The following PCYT1A variants were observed in gnomAD, a reference collection of about 807,000 sequenced individuals.
The protein encoded by PCYT1A is choline-phosphate cytidylyltransferase A.
Under a neutral mutation model 43.7 loss-of-function variants are expected in PCYT1A, and 25 were observed. That is an observed-to-expected ratio of 0.57 (90% CI 0.42 to 0.80). PCYT1A has a LOEUF of 0.80. PCYT1A is among the 30% of genes least tolerant of loss of function. The probability of loss-of-function intolerance (pLI) is 0.00; values close to 1 mark genes in which losing one functional copy is unlikely to be tolerated. For synonymous variants in PCYT1A, 172 were observed against 170.7 expected, an observed-to-expected ratio of 1.01 and a Z score of -0.06; for missense variants, 421 against 474.2, an observed-to-expected ratio of 0.89 and a Z score of 1.04.
chr3:196,238,505 G>C lies in PCYT1A; in HGVS notation c.*183C>G. ...GGTGCAGTCCCCCTCCTTCGTGTGG[G>C]TGAGTGATGTCACTTGCAGGACAGG... On this transcript the variant is annotated 3_prime_UTR_variant, in exon 9 of 9. Transcript: ENST00000431016. 2.3e-6 allele frequency: 1 copy of C among 440,928 alleles called. No homozygotes were observed. The highest frequency in any genetic ancestry group is 4.1e-6 in the Non-Finnish European group (1 of 246,634). The allele number at this position is 440,928 out of a possible 1,614,324, so 27.3% of individuals were successfully genotyped here.
chr3:196,249,559 C>T (rs1181259491), intron 3 of PCYT1A, among the ~76,000 whole-genome samples: 1 of 152,062 alleles, frequency 6.6e-6, no homozygotes, highest in African/African-American at 2.4e-5. Context: ...AAATGATTTC[C>T]CGGGGAACAA....
chr3:196,270,110 C>A (rs958511406), intron 2 of PCYT1A, among the ~76,000 whole-genome samples: 2 of 152,144 alleles, frequency 1.3e-5, no homozygotes, highest in South Asian at 4.1e-4. Flanking sequence ...GTGATCCTCC[C>A]ACCTCAGCCT....
intron 2 of PCYT1A, among the ~76,000 whole-genome samples, chr3:196,262,786 C>CTTT (rs200006356): frequency 1.4e-5 from 2 of 138,340 alleles, no homozygotes; most frequent in African/African-American, 2.7e-5. Context: ...TCTAAGGATT[C>CTTT]TTTTTTTTTT....
chr3:196,239,473 C>T, intron 8 of PCYT1A, 74 bp downstream of exon 8: 1 of 968,852 alleles, frequency 1.0e-6, no homozygotes, highest in Non-Finnish European at 1.6e-6. Flanking sequence ...GTCGATGCCC[C>T]TTCCTGCTCA....
chr3:196,244,404 G>A (rs1405344485), intron 5 of PCYT1A, among the ~76,000 whole-genome samples: 1 of 145,938 alleles, frequency 6.9e-6, no homozygotes, highest in South Asian at 2.2e-4. Context: ...TGTGGGGAGC[G>A]CCACTGCCCC....
chr3:196,257,934 T>C, intron 2 of PCYT1A, 47 bp from the exon 3 acceptor site: 1 of 1,026,254 alleles, frequency 9.7e-7, no homozygotes, highest in African/African-American at 1.6e-5. Context: ...CTCAATGGCA[T>C]ACACTGTAAT....
Position 196,268,486 on chromosome 3 carries a change from C to A in PCYT1A, c.117+1929G>T, listed in dbSNP as rs967027387. Among the ~76,000 whole-genome samples, 7 of 152,086 alleles carry A rather than the reference C, an allele frequency of 4.6e-5. No individual in the cohort carries two copies. The highest frequency in any genetic ancestry group is 1.7e-4 in the African/African-American group (7 of 41,414). Reference sequence around the variant, plus strand: ...CCTGTGACTGTTTTACCATACATGGCAAAAGAGACTCTGCAGGCCAGGCAC... The same window carrying A: ...CCTGTGACTGTTTTACCATACATGGAAAAAGAGACTCTGCAGGCCAGGCAC... On this transcript the variant is annotated intron_variant, in intron 2 of 8. Coordinates refer to ENST00000431016, the MANE Select transcript of PCYT1A (RefSeq NM_001312673.2). The surrounding 1 kb of genome is among the most constrained non-coding windows in gnomAD (Gnocchi z 4.4).
intron 1 of PCYT1A, 161 bp downstream of exon 1, chr3:196,287,454 C>CA (rs1040031816): frequency 1.3e-5 from 2 of 152,322 alleles, no homozygotes; most frequent in African/African-American, 4.8e-5. Context: ...TCCTGGGTCA[C>CA]AGTCCCCTCG....
At position 196,235,656 on chromosome 3, in the gene PCYT1A, C is replaced by A. The variant is rs989410745; in HGVS notation, c.*3032G>T. On this transcript the variant is annotated 3_prime_UTR_variant, in exon 9 of 9. Coordinates refer to ENST00000431016, the MANE Select transcript of PCYT1A (RefSeq NM_001312673.2). The surrounding 1 kb of genome is among the most constrained non-coding windows in gnomAD (Gnocchi z 4.3). ...CCGGCTCTGGCCTTCTAATGTCTCA[C>A]ACACAGAGGCTCTGCTCTAAGGCCA... is the stretch of plus-strand genomic sequence containing the variant. The A allele has an allele frequency of 1.3e-5, 2 of 152,306 alleles. No homozygotes were observed. The highest frequency in any genetic ancestry group is 4.8e-5 in the African/African-American group (2 of 41,468). 9.4% of individuals were successfully genotyped at this position (152,306 alleles called of 1,614,324 possible).
chr3:196,270,614 C>A, intron 1 of PCYT1A, 73 bp from the exon 2 acceptor site: 1 of 936,692 alleles, frequency 1.1e-6, no homozygotes, highest in Admixed American at 1.7e-5. Flanking sequence ...ATTTCAGAGA[C>A]GTTGACGTGG....
At chr3:196,243,283 G>C (rs1193287055) in intron 5 of PCYT1A, 1 of 151,082 alleles carries the variant, frequency 6.6e-6, no homozygotes, top group Non-Finnish European at 1.5e-5. Flanking sequence ...AGCCAAAATC[G>C]CACCACTGCA....
At chr3:196,285,724 T>C (rs1348434063) in intron 1 of PCYT1A, among the ~76,000 whole-genome samples, 2 of 152,210 alleles carry the variant, frequency 1.3e-5, no homozygotes, top group Non-Finnish European at 1.5e-5. Flanking sequence ...ATCACCATTA[T>C]TGACACTGCG....
chr3:196,241,777 A>T, intron 7 of PCYT1A, 171 bp downstream of exon 7: 1 of 1,174,164 alleles, frequency 8.5e-7, no homozygotes, highest in Non-Finnish European at 1.2e-6. Context: ...GTAACGGCAG[A>T]AACTGTCTGT....
chr3:196,267,111 G>A lies in PCYT1A; in HGVS notation c.117+3304C>T, dbSNP rs189904027. ...GGAGAATCACTTGAACCCAGGAGGC[G>A]GAGGTTGCAGTGAGCCGAGATTGCG... On this transcript the variant is annotated intron_variant, in intron 2 of 8. Coordinates refer to ENST00000431016, the MANE Select transcript of PCYT1A (RefSeq NM_001312673.2). Among the ~76,000 whole-genome samples the A allele has an allele frequency of 1.1e-4, 16 of 151,406 alleles. No homozygotes were observed. The East Asian group carries it at 2.5e-3, about 24-fold the overall frequency.
At chr3:196,278,926 A>T (rs1191196665) in intron 1 of PCYT1A, among the ~76,000 whole-genome samples, 1 of 148,106 alleles carries the variant, frequency 6.8e-6, no homozygotes, top group Non-Finnish European at 1.5e-5. Flanking sequence ...GGTTGCAGTG[A>T]GCCAAGATCG....
At chr3:196,256,204 C>T (rs1341037280) in intron 3 of PCYT1A, among the ~76,000 whole-genome samples, 6 of 152,156 alleles carry the variant, frequency 3.9e-5, no homozygotes, top group Admixed American at 2.0e-4. Context: ...TTAAAATTCC[C>T]GGCATTGGCC....
chr3:196,262,387 CATA>C (rs796746819), intron 2 of PCYT1A, among the ~76,000 whole-genome samples: 56 of 152,328 alleles, frequency 3.7e-4, no homozygotes, highest in African/African-American at 1.3e-3. Context: ...AAGTAATTAG[CATA>C]ATGTTTCACA....
chr3:196,242,336 G>A lies in PCYT1A; in HGVS notation c.565+226C>T, dbSNP rs1331321307. Reference sequence around the variant, plus strand: ...ATGAGAAAGGGTTTCCTGAAATTAAGAGAGATATCCAAAGTAGATGTTTAG... The same window carrying A: ...ATGAGAAAGGGTTTCCTGAAATTAAAAGAGATATCCAAAGTAGATGTTTAG... On this transcript the variant is annotated intron_variant, in intron 6 of 8. Coordinates refer to ENST00000431016, the MANE Select transcript of PCYT1A (RefSeq NM_001312673.2). The surrounding 1 kb of genome is among the most constrained non-coding windows in gnomAD (Gnocchi z 4.2). 2 of 667,146 alleles carry A rather than the reference G, an allele frequency of 3.0e-6. No individual in the cohort carries two copies. The highest frequency in any genetic ancestry group is 1.8e-5 in the African/African-American group (1 of 55,708). 41.3% of individuals were successfully genotyped at this position (667,146 alleles called of 1,614,324 possible). A position where few individuals can be genotyped will look rare whatever the true frequency, so the allele number is the denominator to read the frequency against.
chr3:196,278,980 CAA>C (rs148985648), intron 1 of PCYT1A, among the ~76,000 whole-genome samples: 9 of 51,644 alleles, frequency 1.7e-4, no homozygotes, highest in Non-Finnish European at 1.1e-4. Flanking sequence ...GACCTCATCT[CAA>C]AAAAAAAAAA....
Sources: allele counts gnomAD v4.1 joint callset (sites outside exome capture counted in the v4.1 genomes callset), GRCh38; gene constraint gnomAD v4.1.1; non-coding constraint Gnocchi (gnomAD v3.1); transcripts MANE v1.5; gene names NCBI Gene and HGNC (gene_info 2026-07-23, HGNC 2026-07-21).